TEX14: variants seen among roughly 807,000 people sequenced by gnomAD.
The protein encoded by TEX14 is inactive serine/threonine-protein kinase TEX14.
Under a neutral mutation model 178.6 loss-of-function variants are expected in TEX14, and 168 were observed. That is an observed-to-expected ratio of 0.94 (90% CI 0.83 to 1.07). TEX14 has a LOEUF of 1.07. Ranked by LOEUF, TEX14 falls within the 50% of genes least tolerant of loss-of-function variation. TEX14 has a pLI of 0.00. For missense variants in TEX14, 1,730 were observed against 1,753.6 expected (o/e 0.99, Z 0.24); for synonymous variants, 626 against 634.1 (o/e 0.99, Z 0.19).
chr17:58,684,595 T>TCCAGCCTGG (rs2047559668), intron 1 of TEX14, among the ~76,000 whole-genome samples: 1 of 151,766 alleles, frequency 6.6e-6, no homozygotes, highest in Non-Finnish European at 1.5e-5. Context: ...ATCGTGCCAC[T>TCCAGCCTGG]GCACTCCAGC....
intron 10 of TEX14, among the ~76,000 whole-genome samples, chr17:58,606,498 C>A (rs895599266): frequency 6.6e-6 from 1 of 152,062 alleles, no homozygotes. Flanking sequence ...AAGTTTCTTC[C>A]AGCAAATCTT....
intron 1 of TEX14, among the ~76,000 whole-genome samples, chr17:58,658,476 G>C (rs1047469391): frequency 2.2e-5 from 3 of 137,534 alleles, no homozygotes; most frequent in Non-Finnish European, 4.6e-5. Flanking sequence ...TGCAACCTCT[G>C]CCTCCTGGGT....
At chr17:58,670,279 G>A (rs960067964) in intron 1 of TEX14, among the ~76,000 whole-genome samples, 2 of 152,132 alleles carry the variant, frequency 1.3e-5, no homozygotes, top group Non-Finnish European at 2.9e-5. Context: ...TGTCACTGCT[G>A]GAGTCTCAGG....
At chr17:58,576,757 A>G (rs1303364169) in intron 21 of TEX14, among the ~76,000 whole-genome samples, 1 of 152,178 alleles carries the variant, frequency 6.6e-6, no homozygotes, top group Non-Finnish European at 1.5e-5. Context: ...AGAATGTTAT[A>G]TTAATGGAAT....
intron 1 of TEX14, among the ~76,000 whole-genome samples, chr17:58,665,771 C>T (rs892954589): frequency 2.6e-5 from 4 of 151,174 alleles, no homozygotes; most frequent in Admixed American, 6.6e-5. Flanking sequence ...TAAGGCTGGG[C>T]GCGGTGGCTC....
intron 3 of TEX14, among the ~76,000 whole-genome samples, chr17:58,626,718 A>G (rs911658624): frequency 7.9e-5 from 12 of 152,182 alleles, no homozygotes; most frequent in African/African-American, 2.9e-4. Flanking sequence ...TAAAAATACA[A>G]AAATTAGTCA....
chr17:58,680,583 A>C (rs543234235), intron 1 of TEX14, among the ~76,000 whole-genome samples: 1 of 151,898 alleles, frequency 6.6e-6, no homozygotes, highest in African/African-American at 2.4e-5. Context: ...CTCTAATAAA[A>C]ATACAAAAAT....
At chr17:58,562,477 G>C (rs1033223549) in intron 28 of TEX14, among the ~76,000 whole-genome samples, 7 of 151,984 alleles carry the variant, frequency 4.6e-5, no homozygotes, top group African/African-American at 1.7e-4. Flanking sequence ...AATAATAATA[G>C]CTAACTTTTG....
chr17:58,653,935 A>G (rs914149914), intron 1 of TEX14, among the ~76,000 whole-genome samples: 3 of 152,016 alleles, frequency 2.0e-5, no homozygotes, highest in African/African-American at 7.2e-5. Flanking sequence ...TAATCCCAGC[A>G]CTTTGGGAGG....
intron 2 of TEX14, among the ~76,000 whole-genome samples, chr17:58,645,268 G>A (rs2567899): frequency 0.097 from 14,696 of 151,634 alleles, 992 homozygotes; most frequent in Non-Finnish European, 0.15. Flanking sequence ...GATTACAGGC[G>A]TGAGCCACCA....
At chr17:58,646,958 T>G (rs909555374) in intron 2 of TEX14, among the ~76,000 whole-genome samples, 1 of 150,664 alleles carries the variant, frequency 6.6e-6, no homozygotes, top group African/African-American at 2.4e-5. Context: ...CAGGCTGGAG[T>G]GCGATGGCAC....
intron 15 of TEX14, among the ~76,000 whole-genome samples, chr17:58,592,337 CTTT>C (rs750203217): frequency 3.6e-5 from 5 of 137,000 alleles, no homozygotes; most frequent in South Asian, 2.3e-4. Flanking sequence ...TCGAGTGATT[CTTT>C]TTTTTTTTTT....
intron 9 of TEX14, 42 bp downstream of exon 9, chr17:58,613,379 T>C: frequency 5.0e-6 from 8 of 1,612,464 alleles, no homozygotes; most frequent in Non-Finnish European, 6.8e-6. Flanking sequence ...GGGAAGAAAC[T>C]GGGAGGTCAG....
chr17:58,615,213 C>A lies in TEX14; in HGVS notation c.881+19G>T. Reference sequence around the variant, plus strand: ...TAGAGAGACCTGGACCTATAAGGGGCCTTGGGCTTCCTTCTCACCTGCTGT... The same window carrying A: ...TAGAGAGACCTGGACCTATAAGGGGACTTGGGCTTCCTTCTCACCTGCTGT... On this transcript the variant is annotated intron_variant, in intron 8 of 31. Transcript: ENST00000349033. 1 of 1,495,378 alleles carries A rather than the reference C, an allele frequency of 6.7e-7. No individual in the cohort carries two copies. The highest frequency in any genetic ancestry group is 9.3e-7 in the Non-Finnish European group (1 of 1,072,644). 92.6% of individuals were successfully genotyped at this position (1,495,378 alleles called of 1,614,324 possible).
chr17:58,679,638 C>T (rs1172054931), intron 1 of TEX14: 2 of 152,188 alleles, frequency 1.3e-5, no homozygotes, highest in Non-Finnish European at 1.5e-5. Context: ...ACAAACCTCA[C>T]CCTGAAAAAT....
intron 8 of TEX14, among the ~76,000 whole-genome samples, chr17:58,614,926 G>A (rs2045836474): frequency 6.6e-6 from 1 of 152,168 alleles, no homozygotes; most frequent in Non-Finnish European, 1.5e-5. Flanking sequence ...GTGGACTCAG[G>A]GATTGTAGCA....
At chr17:58,617,795 A>G (rs1346884447) in intron 5 of TEX14, among the ~76,000 whole-genome samples, 176 bp from the exon 6 acceptor site, 1 of 152,204 alleles carries the variant, frequency 6.6e-6, no homozygotes, top group African/African-American at 2.4e-5. Flanking sequence ...TATGATTCTC[A>G]CTTACCGGTA....
At chr17:58,679,670 T>C (rs926273609) in intron 1 of TEX14, 1 of 152,226 alleles carries the variant, frequency 6.6e-6, no homozygotes, top group Non-Finnish European at 1.5e-5. Context: ...GATCATGTTA[T>C]TTCCCTTGCC....
Position 58,599,555 on chromosome 17 carries a change from G to A in TEX14, c.1790C>T (p.Pro597Leu), listed in dbSNP as rs368087277. Residue 597 changes from proline to leucine, a missense_variant, in exon 14 of 32, where the codon CCT (proline) becomes CTT (leucine). Transcript: ENST00000349033. ...TTCTGCCATAAATGGAGCAGGGCAA[G>A]GAGCATCTTGATTCTGAGTCTCCCT... is the stretch of plus-strand genomic sequence containing the variant. ...MARETQNQDA[P>L]CPAPFMAEEA... The A allele has an allele frequency of 8.1e-6, 13 of 1,613,950 alleles. No individual in the cohort carries two copies. The highest frequency in any genetic ancestry group is 1.1e-5 in the Non-Finnish European group (13 of 1,180,014).
Sources: allele counts gnomAD v4.1 joint callset (sites outside exome capture counted in the v4.1 genomes callset), GRCh38; gene constraint gnomAD v4.1.1; transcripts MANE v1.5; gene names NCBI Gene and HGNC (gene_info 2026-07-23, HGNC 2026-07-21).